The following MYEF2 variants were observed in gnomAD, a reference collection of about 807,000 sequenced individuals.
The protein encoded by MYEF2 is myelin expression factor 2, also known as myelin gene expression factor 2.
Under a neutral mutation model 75.2 loss-of-function variants are expected in MYEF2, and 37 were observed. The ratio of observed to expected loss-of-function variants is 0.49; its 90% confidence interval spans 0.38 to 0.65. The LOEUF (loss-of-function observed/expected upper bound fraction) is 0.65. Ranked by LOEUF, MYEF2 falls within the 30% of genes least tolerant of loss-of-function variation. The probability of loss-of-function intolerance (pLI) is 0.00; values close to 1 mark genes in which losing one functional copy is unlikely to be tolerated. For missense variants in MYEF2, 634 were observed against 771.4 expected, an observed-to-expected ratio of 0.82 and a Z score of 2.11; for synonymous variants, 195 against 241.6, an observed-to-expected ratio of 0.81 and a Z score of 1.79.
rs887413753 is a variant in MYEF2 at position 48,163,490 on chromosome 15, A to G, written c.525+2443T>C. Among the ~76,000 whole-genome samples the G allele has an allele frequency of 6.6e-5, 10 of 152,354 alleles. No individual in the cohort carries two copies. In the East Asian group the frequency reaches 7.7e-4, roughly 12 times the overall value. On this transcript the variant is annotated intron_variant, in intron 5 of 16. Transcript: ENST00000324324. The stretch of plus-strand genomic sequence containing the variant: ...TATAACATAAAAGTGCAAGTGAAGC[A>G]GCAAGTGCTGATGTAGAAGCTACAG...
intron 9 of MYEF2, chr15:48,157,168 T>G (rs965832415): frequency 1.3e-5 from 2 of 152,106 alleles, no homozygotes. Flanking sequence ...GTTTACATTA[T>G]GCCAAAATGA....
chr15:48,149,596 T>A lies in MYEF2; in HGVS notation c.1379-225A>T. ...AGAATTTGCTTACATATACATTTAG[T>A]TAGCTGAGAAATTCTAGCCACTGTA... On this transcript the variant is annotated intron_variant, in intron 14 of 16. Transcript: ENST00000324324. This position sits in a 1 kb window ranked among gnomAD's most constrained non-coding sequence, Gnocchi z 4.0. The A allele has an allele frequency of 3.0e-6, 1 of 335,208 alleles. No homozygotes were observed. Among genetic ancestry groups the A allele is most frequent in the South Asian group, 7.1e-5 (1 of 14,132 alleles). 20.8% of individuals were successfully genotyped at this position (335,208 alleles called of 1,614,324 possible).
At position 48,141,761 on chromosome 15, in the gene MYEF2, T is replaced by C. The variant is rs904693886; in HGVS notation, c.*1147A>G. 3 of 234,898 alleles carry C rather than the reference T, an allele frequency of 1.3e-5. No homozygotes were observed. The highest frequency in any genetic ancestry group is 1.6e-5 in the Non-Finnish European group (2 of 122,282). 14.6% of individuals were successfully genotyped at this position (234,898 alleles called of 1,614,324 possible). On this transcript the variant is annotated 3_prime_UTR_variant, in exon 17 of 17. Coordinates refer to ENST00000324324, the MANE Select transcript of MYEF2 (RefSeq NM_016132.5). Reference sequence around the variant, plus strand: ...TTAAATAGTAATTAACCATTAACCATGTTAAATTACAATGAAAAGCAACAA... The same window carrying C: ...TTAAATAGTAATTAACCATTAACCACGTTAAATTACAATGAAAAGCAACAA...
intron 16 of MYEF2, among the ~76,000 whole-genome samples, chr15:48,145,974 T>G (rs900366164): frequency 6.6e-6 from 1 of 151,924 alleles, no homozygotes; most frequent in Non-Finnish European, 1.5e-5. Flanking sequence ...AGCCTCCATT[T>G]TCCATGCAGT....
intron 1 of MYEF2, among the ~76,000 whole-genome samples, chr15:48,177,049 C>T (rs1163248934): frequency 1.3e-5 from 2 of 152,184 alleles, no homozygotes; most frequent in Non-Finnish European, 2.9e-5. Flanking sequence ...GTCAGAAAGA[C>T]CTTTCCCTTG....
chr15:48,166,435 C>T (rs1436831479), intron 3 of MYEF2, among the ~76,000 whole-genome samples: 1 of 151,838 alleles, frequency 6.6e-6, no homozygotes. Flanking sequence ...AACAGGAATT[C>T]AAGGAAATAA....
chr15:48,142,525 G>T lies in MYEF2; in HGVS notation c.*383C>A, dbSNP rs2039127472. The T allele has an allele frequency of 1.9e-6, 1 of 525,186 alleles. No homozygotes were observed. The highest frequency in any genetic ancestry group is 1.9e-5 in the African/African-American group (1 of 51,624). The allele number at this position is 525,186 out of a possible 1,614,324, so 32.5% of individuals were successfully genotyped here. ...ATTTTTCTGAGCCCTTTCTTTTCAT[G>T]AAAAATTACATATTATAAAACAGAA... On this transcript the variant is annotated 3_prime_UTR_variant, in exon 17 of 17. Coordinates refer to ENST00000324324, the MANE Select transcript of MYEF2 (RefSeq NM_016132.5).
chr15:48,137,674 C>G lies in MYEF2; in HGVS notation c.*5234G>C, dbSNP rs189986495. ...GTGAGACTATATGAAGGAAGCATCACCAAGACTATATGGGGCCAGAAAAAG... is the reference window on the plus strand; with the variant it reads ...GTGAGACTATATGAAGGAAGCATCAGCAAGACTATATGGGGCCAGAAAAAG... On this transcript the variant is annotated 3_prime_UTR_variant, in exon 17 of 17. Coordinates refer to ENST00000324324, the MANE Select transcript of MYEF2 (RefSeq NM_016132.5). 4 of 152,054 alleles carry G rather than the reference C, an allele frequency of 2.6e-5. No homozygotes were observed. The highest frequency in any genetic ancestry group is 9.6e-5 in the African/African-American group (4 of 41,482). The allele number at this position is 152,054 out of a possible 1,614,324, so 9.4% of individuals were successfully genotyped here.
rs371724264 is a variant in MYEF2, at chr15:48,141,155, T to C, written c.*1753A>G. 1.9e-6 allele frequency: 3 copies of C among 1,613,872 alleles called. No individual in the cohort carries two copies. The African/African-American group carries it at 4.0e-5, about 22-fold the overall frequency. ...CCCGATACAGTAATGGGCCTTACTTTATTAGCAGCAGGAACAAGCATACCA... is the reference window on the plus strand; with the variant it reads ...CCCGATACAGTAATGGGCCTTACTTCATTAGCAGCAGGAACAAGCATACCA... On this transcript the variant is annotated 3_prime_UTR_variant, in exon 17 of 17. Coordinates refer to ENST00000324324, the MANE Select transcript of MYEF2 (RefSeq NM_016132.5).
At chr15:48,173,231 G>A (rs2040404303) in intron 1 of MYEF2, among the ~76,000 whole-genome samples, 1 of 152,012 alleles carries the variant, frequency 6.6e-6, no homozygotes, top group Non-Finnish European at 1.5e-5. Context: ...ACAGAATGAA[G>A]GATTTTTTAA....
At chr15:48,173,585 T>C (rs2040414101) in intron 1 of MYEF2, among the ~76,000 whole-genome samples, 1 of 152,076 alleles carries the variant, frequency 6.6e-6, no homozygotes, top group Non-Finnish European at 1.5e-5. Flanking sequence ...TGATCTTATA[T>C]AGAAAATTAT....
At chr15:48,146,051 T>C (rs2039270335) in intron 16 of MYEF2, among the ~76,000 whole-genome samples, 1 of 151,890 alleles carries the variant, frequency 6.6e-6, no homozygotes, top group African/African-American at 2.4e-5. Context: ...TATCTGTTTA[T>C]ATGGCTTATA....
intron 16 of MYEF2, among the ~76,000 whole-genome samples, chr15:48,146,702 T>G (rs550538454): frequency 3.1e-4 from 47 of 152,102 alleles, no homozygotes; most frequent in Admixed American, 5.2e-4. Flanking sequence ...ACTTACTCTC[T>G]TTGGGCTTAC....
intron 6 of MYEF2, among the ~76,000 whole-genome samples, chr15:48,159,159 A>T (rs971335072): frequency 2.0e-5 from 3 of 152,218 alleles, no homozygotes; most frequent in South Asian, 2.1e-4. Context: ...CAACTGCTCA[A>T]ACCTGTTTTG....
At position 48,143,043 on chromosome 15, in the gene MYEF2, C is replaced by T; in HGVS notation, c.1668G>A (p.Met556Ile). Residue 556 changes from methionine (M) to isoleucine (I), a missense_variant, in exon 17 of 17, where the codon ATG becomes ATA. Transcript: ENST00000324324. ...CACAGCCTTTTGACTTTCCATTCTC[C>T]ATTTTTATTTCTGCAAACATTACAT... Reference protein sequence around the residue: ...CGHVMFAEIKMENGKSKGCGT... With the variant: ...CGHVMFAEIKIENGKSKGCGT... 6.4e-7 allele frequency: 1 copy of T among 1,573,444 alleles called. No homozygotes were observed.
rs989052112 is a variant in MYEF2 at position 48,142,845 on chromosome 15, A to T, written c.*63T>A. On this transcript the variant is annotated 3_prime_UTR_variant, in exon 17 of 17. Transcript: ENST00000324324. ...GTAAGCATACAATATTACTTTAAAA[A>T]AATGACTTTTACTAGGAGATTCAGC... is the stretch of plus-strand genomic sequence containing the variant. The T allele has an allele frequency of 6.8e-7, 1 of 1,468,026 alleles. No homozygotes were observed. The highest frequency in any genetic ancestry group is 2.6e-5 in the East Asian group (1 of 38,794). 90.9% of individuals were successfully genotyped at this position (1,468,026 alleles called of 1,614,324 possible). A position where few individuals can be genotyped will look rare whatever the true frequency, so the allele number is the denominator to read the frequency against.
chr15:48,170,231 T>A (rs2040276383), intron 1 of MYEF2, among the ~76,000 whole-genome samples: 2 of 152,030 alleles, frequency 1.3e-5, no homozygotes, highest in South Asian at 4.1e-4. Flanking sequence ...GTTCAAGGAA[T>A]TCTCCTTCCT....
At chr15:48,176,185 TG>T (rs1263258412) in intron 1 of MYEF2, among the ~76,000 whole-genome samples, 1 of 148,830 alleles carries the variant, frequency 6.7e-6, no homozygotes, top group Non-Finnish European at 1.5e-5. Flanking sequence ...GTTTATGTAT[TG>T]GGGTTGTTAT....
Position 48,142,423 on chromosome 15 carries a change from T to A in MYEF2, c.*485A>T. The A allele has an allele frequency of 8.7e-7, 1 of 1,143,710 alleles. No homozygotes were observed. Among genetic ancestry groups the A allele is most frequent in the Non-Finnish European group, 1.2e-6 (1 of 837,022 alleles). 70.8% of individuals were successfully genotyped at this position (1,143,710 alleles called of 1,614,324 possible). On this transcript the variant is annotated 3_prime_UTR_variant, in exon 17 of 17. Transcript: ENST00000324324. ...AGAGAGAAAAATCCATTTCTTCATT[T>A]AAATCAAATTTTAAAAATCTTGAAC... is the stretch of plus-strand genomic sequence containing the variant.
Sources: gnomAD v4.1 joint callset for allele counts (sites outside exome capture counted in the v4.1 genomes callset) on GRCh38, gnomAD v4.1.1 for gene constraint, Gnocchi (gnomAD v3.1) non-coding constraint, MANE v1.5 for transcripts, NCBI Gene and HGNC (gene_info 2026-07-23, HGNC 2026-07-21) for gene names.